Variants in INTS3 observed in about 807,000 individuals in gnomAD.
INTS3 encodes integrator complex subunit 3, also known as SOSS complex subunit A.
A neutral mutation model predicts 146.3 loss-of-function variants in INTS3; 34 were observed. The observed-to-expected ratio is 0.23, with a 90% CI of 0.18 to 0.31. The LOEUF is 0.31. INTS3 is among the 10% of genes least tolerant of loss of function. INTS3 has a pLI of 1.00. For synonymous variants in INTS3, 475 were observed against 494.9 expected, an observed-to-expected ratio of 0.96 and a Z score of 0.53; for missense variants, 757 against 1,304.2, an observed-to-expected ratio of 0.58 and a Z score of 6.46.
At position 153,746,990 on chromosome 1, in the gene INTS3, G is replaced by A; in HGVS notation, c.352G>A (p.Gly118Ser). 6.2e-7 allele frequency: 1 copy of A among 1,613,804 alleles called. No homozygotes were observed. The highest frequency in any genetic ancestry group is 8.5e-7 in the Non-Finnish European group (1 of 1,179,746). The change falls in exon 4 of 30, where the codon GGC (glycine) becomes AGC (serine). Residue 118 changes from glycine to serine, a missense_variant. Around this residue, in one of 8 missense-constraint regions of INTS3, gnomAD observed 160 missense variants for 193.7 expected, o/e 0.83. Coordinates refer to ENST00000318967, the MANE Select transcript of INTS3 (RefSeq NM_023015.5). The part of the protein sequence containing the change: ...YRDLALVSRD[G>S]MNIVLNKINQ... ...GGACTTAGCTCTGGTGAGTCGTGAT[G>A]GCATGAATATTGTCCTGAATAAAAT...
At chr1:153,744,312 T>C (rs1671648462) in intron 3 of INTS3, among the ~76,000 whole-genome samples, 1 of 152,198 alleles carries the variant, frequency 6.6e-6, no homozygotes, top group South Asian at 2.1e-4. Context: ...CTGTTCTGCA[T>C]TCATTTGAAC....
At chr1:153,769,074 C>A in intron 22 of INTS3, 113 bp downstream of exon 22, 2 of 832,352 alleles carry the variant, frequency 2.4e-6, no homozygotes, top group Admixed American at 2.1e-5. Flanking sequence ...CCCAGGCACC[C>A]TCCCTCCTGG....
chr1:153,763,455 G>A (rs1227296932), intron 16 of INTS3, 93 bp downstream of exon 16: 3 of 1,374,018 alleles, frequency 2.2e-6, no homozygotes, highest in Non-Finnish European at 3.1e-6. Context: ...GGGGTTGGAG[G>A]CAAACATGAT....
intron 1 of INTS3, among the ~76,000 whole-genome samples, chr1:153,739,462 C>A (rs1458780634): frequency 1.3e-5 from 2 of 151,246 alleles, no homozygotes; most frequent in African/African-American, 4.9e-5. Context: ...CCTGCCTCAG[C>A]CTCCCGAGTA....
intron 13 of INTS3, 44 bp from the exon 14 acceptor site, chr1:153,761,526 T>C (rs748291383): frequency 8.7e-6 from 12 of 1,376,976 alleles, no homozygotes; most frequent in Non-Finnish European, 1.2e-5. Context: ...AAAATAAAAA[T>C]AAGAGAAGCT....
Position 153,761,563 on chromosome 1 carries a change from C to T in INTS3, c.1410-7C>T, listed in dbSNP as rs761347833. 15 of 1,594,448 alleles carry T rather than the reference C, an allele frequency of 9.4e-6. No homozygotes were observed. The highest frequency in any genetic ancestry group is 3.4e-5 in the Admixed American group (2 of 59,672). ...TGATATTGACCTTCATCATGTTCCC[C>T]ATTTAGACACCTAGCTCCCCTGTTT... is the stretch of plus-strand genomic sequence containing the variant. On this transcript the variant is annotated splice_polypyrimidine_tract_variant and splice_region_variant and intron_variant, in intron 13 of 29. Transcript: ENST00000318967.
intron 9 of INTS3, among the ~76,000 whole-genome samples, chr1:153,755,702 G>C (rs2101809467): frequency 6.6e-6 from 1 of 152,334 alleles, no homozygotes; most frequent in South Asian, 2.1e-4. Flanking sequence ...CACCAGCCAT[G>C]TGTTGCCATT....
At chr1:153,753,411 G>C (rs1672037047) in intron 8 of INTS3, among the ~76,000 whole-genome samples, 1 of 151,746 alleles carries the variant, frequency 6.6e-6, no homozygotes, top group African/African-American at 2.4e-5. Flanking sequence ...GCAAAAATTA[G>C]CTGGGCATGG....
intron 3 of INTS3, among the ~76,000 whole-genome samples, chr1:153,745,409 G>T (rs147450550): frequency 6.6e-6 from 1 of 151,520 alleles, no homozygotes; most frequent in East Asian, 1.9e-4. Flanking sequence ...CACACGCCTC[G>T]GCCTCCCAAA....
chr1:153,748,769 C>T lies in INTS3; in HGVS notation c.584+14C>T, dbSNP rs138135327. ...GACAGAGCAAAGGTAGCATCCACCA[C>T]GAAGGGTGGGGTACAGGCCAGATAA... On this transcript the variant is annotated intron_variant, in intron 6 of 29. Coordinates refer to ENST00000318967, the MANE Select transcript of INTS3 (RefSeq NM_023015.5). The T allele has an allele frequency of 8.1e-6, 13 of 1,606,116 alleles. No homozygotes were observed. Among genetic ancestry groups the T allele is most frequent in the East Asian group, 2.2e-5 (1 of 44,872 alleles).
intron 20 of INTS3, 96 bp downstream of exon 20, chr1:153,765,159 A>G (rs1177447389): frequency 7.4e-7 from 1 of 1,358,140 alleles, no homozygotes; most frequent in Non-Finnish European, 1.0e-6. Context: ...TGTCATCACC[A>G]GGGCCTTCTT....
Position 153,748,747 on chromosome 1 carries a change from A to C in INTS3, c.576A>C (p.Thr192=). 1 of 1,614,018 alleles carries C rather than the reference A, an allele frequency of 6.2e-7. No homozygotes were observed. Among genetic ancestry groups the C allele is most frequent in the Non-Finnish European group, 8.5e-7 (1 of 1,179,844 alleles). The change falls in exon 6 of 30, where the codon ACA becomes ACC. Residue 192 remains threonine, a synonymous_variant. Transcript: ENST00000318967. ...CAGAAAGTGTTCTGGATATCCTGAC[A>C]GAGCAAAGGTAGCATCCACCACGAA... ...WLAESVLDIL[T]EQREWVLKSS... is the part of the protein sequence containing the mutation.
At position 153,759,981 on chromosome 1, in the gene INTS3, C is replaced by G. The variant is rs533364805; in HGVS notation, c.1238-330C>G. On this transcript the variant is annotated intron_variant, in intron 11 of 29. Transcript: ENST00000318967. ...CAAGCTGTTTCGGGGCCTGTCTGCT[C>G]TTGGGTCTGCTCAGTGGAAATGGGG... The G allele has an allele frequency of 8.7e-5, 43 of 495,432 alleles. No homozygotes were observed. In the East Asian group the frequency reaches 1.5e-3, roughly 17 times the overall value. 30.7% of individuals were successfully genotyped at this position (495,432 alleles called of 1,614,324 possible).
chr1:153,760,500 G>A, intron 12 of INTS3, 110 bp downstream of exon 12: 1 of 891,640 alleles, frequency 1.1e-6, no homozygotes, highest in East Asian at 2.6e-5. Flanking sequence ...ACTGAGAGCA[G>A]AAATGGTCAT....
chr1:153,743,042 C>G (rs979539277), intron 3 of INTS3, among the ~76,000 whole-genome samples: 5 of 152,188 alleles, frequency 3.3e-5, no homozygotes, highest in African/African-American at 1.2e-4. Context: ...GAGGAACTAT[C>G]AAGTAGTGAC....
At chr1:153,751,032 G>A (rs1326967365) in intron 6 of INTS3, 63 bp from the exon 7 acceptor site, 22 of 1,534,698 alleles carry the variant, frequency 1.4e-5, no homozygotes, top group Middle Eastern at 1.7e-4. Context: ...CCCAAGAAGC[G>A]TGAATTGGGA....
At position 153,765,182 on chromosome 1, in the gene INTS3, T is replaced by C. The variant is rs191423196; in HGVS notation, c.2090+119T>C. 2,627 of 1,080,058 alleles carry C rather than the reference T, an allele frequency of 2.4e-3. 26 individuals are homozygous for C. Among genetic ancestry groups the C allele is most frequent in the Non-Finnish European group, 1.5e-3 (1,101 of 731,896 alleles). 66.9% of individuals were successfully genotyped at this position (1,080,058 alleles called of 1,614,324 possible). A position where few individuals can be genotyped will look rare whatever the true frequency, so the allele number is the denominator to read the frequency against. The stretch of plus-strand genomic sequence containing the variant: ...CCAGGGCCTTCTTTGTGGGTCTGTT[T>C]GGTTGAGTTGGTTTGTTTTTAAGAG... On this transcript the variant is annotated intron_variant, in intron 20 of 29. Transcript: ENST00000318967.
chr1:153,752,446 G>A, intron 8 of INTS3, 38 bp downstream of exon 8: 1 of 1,584,930 alleles, frequency 6.3e-7, no homozygotes, highest in Non-Finnish European at 8.6e-7. Context: ...TTGAGAGCTG[G>A]GAGTTCAATG....
chr1:153,748,990 C>T (rs533985379), intron 6 of INTS3, among the ~76,000 whole-genome samples: 1 of 152,196 alleles, frequency 6.6e-6, no homozygotes, highest in African/African-American at 2.4e-5. Flanking sequence ...GAAAAACTGG[C>T]TTCATCTGAT....
Sources: gnomAD v4.1 joint callset for allele counts (sites outside exome capture counted in the v4.1 genomes callset) on GRCh38, gnomAD v4.1.1 for gene constraint, gnomAD v4.1.1 regional missense constraint, MANE v1.5 for transcripts, NCBI Gene and HGNC (gene_info 2026-07-23, HGNC 2026-07-21) for gene names.